CBR4: variants seen among roughly 807,000 people sequenced by gnomAD.
CBR4 encodes the protein 3-oxoacyl-[acyl-carrier-protein] reductase.
CBR4 carries 22 observed loss-of-function variants against 21.0 expected under a neutral mutation model. The observed-to-expected ratio is 1.05, with a 90% CI of 0.75 to 1.50. The LOEUF is 1.50. CBR4 is among the 40% of genes most tolerant of loss of function. CBR4 has a pLI of 0.00. For missense variants in CBR4, 302 were observed against 286.3 expected, an observed-to-expected ratio of 1.05 and a Z score of -0.40; for synonymous variants, 100 against 104.4, an observed-to-expected ratio of 0.96 and a Z score of 0.26.
At chr4:168,968,413 G>A (rs1385238528) in intron 2 of CBR4, among the ~76,000 whole-genome samples, 1 of 152,220 alleles carries the variant, frequency 6.6e-6, no homozygotes, top group Non-Finnish European at 1.5e-5. Context: ...ACAGAGGGCA[G>A]AAGAGTTGAT....
In CBR4 at chr4:168,898,529, A is replaced by G. The variant is rs780143134; in HGVS notation, n.170-3764T>C. 19 of 1,613,504 alleles carry G rather than the reference A, an allele frequency of 1.2e-5. No individual in the cohort carries two copies. The highest frequency in any genetic ancestry group is 1.6e-5 in the Non-Finnish European group (19 of 1,179,514). On this transcript the variant is annotated intron_variant and non_coding_transcript_variant, in intron 2 of 3. Coordinates refer to the CBR4 transcript ENST00000509108. ...CTCCAGCTGTGAACAGAGACTCATC[A>G]GTGAAATAGAGTACAGGCTAGAAAG... is the stretch of plus-strand genomic sequence containing the variant.
intron 4 of CBR4, among the ~76,000 whole-genome samples, chr4:168,995,261 G>A (rs574599944): frequency 2.0e-5 from 3 of 152,284 alleles, no homozygotes; most frequent in African/African-American, 7.2e-5. Context: ...CATCCATGCT[G>A]TGTTGAAAGG....
downstream of CBR4, among the ~76,000 whole-genome samples, chr4:168,982,866 C>A (rs1764582489): frequency 6.6e-6 from 1 of 152,086 alleles, no homozygotes; most frequent in Non-Finnish European, 1.5e-5. Context: ...TTATCTGAAA[C>A]TAATTAAAAC....
intron 2 of CBR4, among the ~76,000 whole-genome samples, chr4:168,937,733 T>C (rs934426900): frequency 8.0e-5 from 12 of 150,670 alleles, no homozygotes; most frequent in Non-Finnish European, 1.6e-4. Flanking sequence ...TACATAATGG[T>C]AAAGGGATCA....
intron 3 of CBR4, among the ~76,000 whole-genome samples, chr4:169,004,127 A>G (rs967962310): frequency 1.3e-5 from 2 of 152,190 alleles, no homozygotes; most frequent in African/African-American, 4.8e-5. Flanking sequence ...AAAAATAAAG[A>G]AATTGCCACA....
At chr4:168,920,875 T>C (rs901446455) in intron 2 of CBR4, among the ~76,000 whole-genome samples, 1 of 152,092 alleles carries the variant, frequency 6.6e-6, no homozygotes, top group African/African-American at 2.4e-5. Flanking sequence ...AGCTGAGTAT[T>C]TGTTATTATT....
At chr4:168,957,015 C>G (rs1251478500) in intron 2 of CBR4, among the ~76,000 whole-genome samples, 1 of 152,150 alleles carries the variant, frequency 6.6e-6, no homozygotes, top group Non-Finnish European at 1.5e-5. Flanking sequence ...TATCTTCCCC[C>G]TGGCAAAAGC....
At chr4:168,925,483 C>T in intron 2 of CBR4, 1 of 570,702 alleles carries the variant, frequency 1.8e-6, no homozygotes, top group Admixed American at 3.0e-5. Flanking sequence ...TCGCAGTGTC[C>T]TAATGCACTC....
At chr4:168,999,445 T>C (rs369220061) in intron 4 of CBR4, among the ~76,000 whole-genome samples, 1 of 152,218 alleles carries the variant, frequency 6.6e-6, no homozygotes, top group Non-Finnish European at 1.5e-5. Flanking sequence ...TGACAAATGA[T>C]GCATATTCAT....
Position 168,987,786 on chromosome 4 carries a change from T to C in CBR4, c.*2364A>G, listed in dbSNP as rs1000421771. The C allele has an allele frequency of 1.0e-6, 1 of 984,646 alleles. No homozygotes were observed. 61.0% of individuals were successfully genotyped at this position (984,646 alleles called of 1,614,324 possible). A position where few individuals can be genotyped will look rare whatever the true frequency, so the allele number is the denominator to read the frequency against. ...TAACAGAAGCACGTAAATTAAATTA[T>C]CCTCTTTGCACAATTATTCCCCCCA... On this transcript the variant is annotated 3_prime_UTR_variant, in exon 5 of 5. Transcript: ENST00000306193.
chr4:168,904,963 C>T (rs1029470479), intron 2 of CBR4, among the ~76,000 whole-genome samples: 1 of 151,726 alleles, frequency 6.6e-6, no homozygotes, highest in African/African-American at 2.4e-5. Context: ...CCTGTCTCTA[C>T]TAAAAATACA....
At chr4:168,925,059 T>C in intron 2 of CBR4, 1 of 1,614,100 alleles carries the variant, frequency 6.2e-7, no homozygotes, top group Non-Finnish European at 8.5e-7. Flanking sequence ...TGTCCTGTAC[T>C]GCCAGGCTGG....
rs539624287 is a variant in CBR4, at chr4:168,899,693, G to C, written n.170-4928C>G. Reference sequence around the variant, plus strand: ...GCATTTTGCGAGGCCGAGATGGGTGGATCACCTGAGCTCAGGAGTTCGAGA... The same window carrying C: ...GCATTTTGCGAGGCCGAGATGGGTGCATCACCTGAGCTCAGGAGTTCGAGA... On this transcript the variant is annotated intron_variant and non_coding_transcript_variant, in intron 2 of 3. Transcript: ENST00000509108. Among the ~76,000 whole-genome samples, 99 of 152,186 alleles carry C rather than the reference G, an allele frequency of 6.5e-4. 1 individual carries two copies. The South Asian group carries it at 0.012, about 18-fold the overall frequency.
intron 2 of CBR4, among the ~76,000 whole-genome samples, chr4:168,909,658 T>C (rs956377548): frequency 6.6e-6 from 1 of 152,136 alleles, no homozygotes. Context: ...AATGAGAAAA[T>C]TAATAAAAGC....
downstream of CBR4, among the ~76,000 whole-genome samples, chr4:168,985,353 C>T (rs1044029893): frequency 1.4e-4 from 21 of 152,074 alleles, no homozygotes; most frequent in African/African-American, 5.1e-4. Context: ...CCATCTCACG[C>T]CACTCAGATT....
intron 2 of CBR4, among the ~76,000 whole-genome samples, chr4:168,933,805 T>C (rs1042516137): frequency 3.3e-5 from 5 of 152,094 alleles, no homozygotes; most frequent in Non-Finnish European, 7.4e-5. Flanking sequence ...TGAAATCATA[T>C]CAAGTGTCCT....
intron 2 of CBR4, chr4:168,921,687 A>G: frequency 6.2e-7 from 1 of 1,611,638 alleles, no homozygotes; most frequent in East Asian, 2.2e-5. Flanking sequence ...CTACACATGT[A>G]TAGCTACCAA....
At chr4:169,005,529 T>C (rs1192158805) in intron 3 of CBR4, among the ~76,000 whole-genome samples, 1 of 152,178 alleles carries the variant, frequency 6.6e-6, no homozygotes. Context: ...TCTAAAAGTT[T>C]TGCATGCATA....
intron 2 of CBR4, chr4:168,926,190 T>C (rs1762559266): frequency 2.0e-6 from 3 of 1,492,660 alleles, no homozygotes; most frequent in Non-Finnish European, 2.7e-6. Context: ...TTAAAAATCT[T>C]AATTTACTCT....
Sources: gnomAD v4.1 joint callset for allele counts (sites outside exome capture counted in the v4.1 genomes callset) on GRCh38, gnomAD v4.1.1 for gene constraint, MANE v1.5 for transcripts, NCBI Gene and HGNC (gene_info 2026-07-23, HGNC 2026-07-21) for gene names.